The following HNRNPUL1 variants were observed in gnomAD, a reference collection of about 807,000 sequenced individuals.
HNRNPUL1 encodes the protein heterogeneous nuclear ribonucleoprotein U like 1, also known as heterogeneous nuclear ribonucleoprotein U-like protein 1.
Under a neutral mutation model 108.5 loss-of-function variants are expected in HNRNPUL1, and 14 were observed. That is an observed-to-expected ratio of 0.13 (90% CI 0.09 to 0.20). The LOEUF is 0.20. HNRNPUL1 is among the 10% of genes least tolerant of loss of function. HNRNPUL1 has a pLI of 1.00. For missense variants in HNRNPUL1, 804 were observed against 1,168.3 expected (o/e 0.69, Z 4.55); for synonymous variants, 422 against 445.2 (o/e 0.95, Z 0.66).
At chr19:41,280,210 G>A (rs2035822021) in intron 6 of HNRNPUL1, among the ~76,000 whole-genome samples, 1 of 152,186 alleles carries the variant, frequency 6.6e-6, no homozygotes, top group East Asian at 1.9e-4. Flanking sequence ...TGGAGACTCA[G>A]AAGTGTTAGG....
intron 4 of HNRNPUL1, among the ~76,000 whole-genome samples, chr19:41,275,695 A>C (rs1263179942): frequency 1.3e-5 from 2 of 152,070 alleles, no homozygotes; most frequent in Admixed American, 1.3e-4. Context: ...AAAGGGAGAG[A>C]GGTTGAGGGG....
intron 12 of HNRNPUL1, among the ~76,000 whole-genome samples, 161 bp from the exon 13 acceptor site, chr19:41,303,811 C>T (rs757137996): frequency 1.3e-5 from 2 of 152,116 alleles, no homozygotes; most frequent in Non-Finnish European, 2.9e-5. Context: ...GGAGTATGCC[C>T]GGGGGTCTAG....
intron 6 of HNRNPUL1, among the ~76,000 whole-genome samples, chr19:41,280,313 A>G (rs2035827815): frequency 6.6e-6 from 1 of 152,192 alleles, no homozygotes; most frequent in African/African-American, 2.4e-5. Flanking sequence ...ACCACTATGC[A>G]ATCTGTGCAT....
intron 7 of HNRNPUL1, among the ~76,000 whole-genome samples, chr19:41,290,843 G>T (rs1352426991): frequency 6.6e-6 from 1 of 152,124 alleles, no homozygotes; most frequent in South Asian, 2.1e-4. Context: ...GATCACCTGA[G>T]GTCAGGAGTT....
intron 10 of HNRNPUL1, among the ~76,000 whole-genome samples, chr19:41,299,173 T>C (rs1376299949): frequency 6.6e-6 from 1 of 152,200 alleles, no homozygotes; most frequent in Non-Finnish European, 1.5e-5. Flanking sequence ...CAAGTGCTCT[T>C]TGTGGGCCGG....
intron 2 of HNRNPUL1, among the ~76,000 whole-genome samples, chr19:41,268,855 T>G (rs1426551034): frequency 6.6e-6 from 1 of 151,518 alleles, no homozygotes; most frequent in Non-Finnish European, 1.5e-5. Flanking sequence ...AGAGTGAAAC[T>G]GCATCTCAAA....
At chr19:41,269,275 G>A (rs1166515142) in intron 2 of HNRNPUL1, among the ~76,000 whole-genome samples, 1 of 151,932 alleles carries the variant, frequency 6.6e-6, no homozygotes, top group East Asian at 1.9e-4. Flanking sequence ...AGACCAGACT[G>A]GGCAACATAG....
intron 6 of HNRNPUL1, among the ~76,000 whole-genome samples, chr19:41,280,495 G>A (rs1163806549): frequency 2.6e-5 from 4 of 152,114 alleles, no homozygotes; most frequent in African/African-American, 9.7e-5. Flanking sequence ...GATGTAGGTG[G>A]TGGCAGTTGA....
chr19:41,272,354 C>G lies in HNRNPUL1; in HGVS notation c.572+119C>G, dbSNP rs2035292580. ...GCTGAGTAAAGATTCCCTCTGCTTT[C>G]ACACTCTTCCTGTCCCTTCCCGTAC... On this transcript the variant is annotated intron_variant, in intron 3 of 14. Transcript: ENST00000392006. The G allele has an allele frequency of 5.8e-6, 6 of 1,038,400 alleles. No homozygotes were observed. In the Admixed American group the frequency reaches 1.4e-4, roughly 23 times the overall value. 64.3% of individuals were successfully genotyped at this position (1,038,400 alleles called of 1,614,324 possible).
chr19:41,265,099 G>A, intron 1 of HNRNPUL1: 1 of 1,415,904 alleles, frequency 7.1e-7, no homozygotes, highest in East Asian at 2.7e-5. Context: ...TTCTGGAGCC[G>A]AAGAGAGTCG....
In HNRNPUL1 at chr19:41,292,168, A is replaced by T; in HGVS notation, c.1000-77A>T. 3 of 1,453,744 alleles carry T rather than the reference A, an allele frequency of 2.1e-6. No individual in the cohort carries two copies. Among genetic ancestry groups the T allele is most frequent in the Non-Finnish European group, 2.9e-6 (3 of 1,046,108 alleles). The allele number at this position is 1,453,744 out of a possible 1,614,324, so 90.1% of individuals were successfully genotyped here. A position where few individuals can be genotyped will look rare whatever the true frequency, so the allele number is the denominator to read the frequency against. On this transcript the variant is annotated intron_variant, in intron 7 of 14. Transcript: ENST00000392006. The surrounding 1 kb of genome is among the most constrained non-coding windows in gnomAD (Gnocchi z 4.1). ...AAGCTGTCCACATTCTACTCCCTGC[A>T]TCTACTGTCCTCACATTTGACTCCC... is the stretch of plus-strand genomic sequence containing the variant.
At chr19:41,269,719 C>T (rs1187672396) in intron 2 of HNRNPUL1, among the ~76,000 whole-genome samples, 1 of 152,110 alleles carries the variant, frequency 6.6e-6, no homozygotes, top group South Asian at 2.1e-4. Flanking sequence ...AGGAGGATCA[C>T]TTGAGCCCAG....
In HNRNPUL1 at chr19:41,307,532, G is replaced by A. The variant is rs2037607985; in HGVS notation, c.*967G>A. On this transcript the variant is annotated 3_prime_UTR_variant, in exon 15 of 15. Transcript: ENST00000392006. ...CAGACCCAAAAGCTTTTCCTACAGT[G>A]ATACCCTTTATTTTTACTTCCCCTT... 1 of 152,502 alleles carries A rather than the reference G, an allele frequency of 6.6e-6. No homozygotes were observed. Among genetic ancestry groups the A allele is most frequent in the Non-Finnish European group, 1.5e-5 (1 of 68,018 alleles). The allele number at this position is 152,502 out of a possible 1,614,324, so 9.4% of individuals were successfully genotyped here.
chr19:41,264,920 C>T, intron 1 of HNRNPUL1, 122 bp downstream of exon 1: 1 of 1,338,398 alleles, frequency 7.5e-7, no homozygotes, highest in South Asian at 2.0e-5. Context: ...GATCCCGCTA[C>T]CCGCCGCCGA....
chr19:41,287,164 C>T (rs534357295), intron 7 of HNRNPUL1, among the ~76,000 whole-genome samples: 1 of 151,640 alleles, frequency 6.6e-6, no homozygotes, highest in Non-Finnish European at 1.5e-5. Flanking sequence ...CACAGGTGCA[C>T]ACCACGACAT....
At chr19:41,299,597 T>C (rs569579977) in intron 10 of HNRNPUL1, among the ~76,000 whole-genome samples, 2 of 152,286 alleles carry the variant, frequency 1.3e-5, no homozygotes, top group African/African-American at 4.8e-5. Context: ...GCCAGAGATT[T>C]TTACATCTGC....
chr19:41,289,614 G>C (rs1244073128), intron 7 of HNRNPUL1, among the ~76,000 whole-genome samples: 1 of 152,090 alleles, frequency 6.6e-6, no homozygotes, highest in Admixed American at 6.6e-5. Flanking sequence ...GGTTGGTTGA[G>C]GGCGCCGGTT....
At chr19:41,291,260 G>A (rs1446580787) in intron 7 of HNRNPUL1, among the ~76,000 whole-genome samples, 2 of 152,106 alleles carry the variant, frequency 1.3e-5, no homozygotes, top group Admixed American at 6.5e-5. Flanking sequence ...TTCTAGGTAG[G>A]TCATCTTACT....
At chr19:41,265,308 G>T (rs1301776500) in intron 1 of HNRNPUL1, 2 of 1,507,046 alleles carry the variant, frequency 1.3e-6, no homozygotes, top group Non-Finnish European at 1.8e-6. Context: ...CCTGGAATAT[G>T]CCGCTGGATG....
Sources: allele counts gnomAD v4.1 joint callset (sites outside exome capture counted in the v4.1 genomes callset), GRCh38; gene constraint gnomAD v4.1.1; non-coding constraint Gnocchi (gnomAD v3.1); transcripts MANE v1.5; gene names NCBI Gene and HGNC (gene_info 2026-07-23, HGNC 2026-07-21).